TRUB1: variants seen among roughly 807,000 people sequenced by gnomAD.
TRUB1 encodes pseudouridylate synthase TRUB1.
A neutral mutation model predicts 33.9 loss-of-function variants in TRUB1; 23 were observed. The observed-to-expected ratio is 0.68, with a 90% CI of 0.49 to 0.96. TRUB1 has a LOEUF of 0.96. Among genes scored for constraint, TRUB1 ranks in the 40% least tolerant of loss-of-function variants. The pLI is 0.00. For missense variants in TRUB1, 378 were observed against 422.2 expected (o/e 0.90, Z 0.92); for synonymous variants, 163 against 165.4 (o/e 0.99, Z 0.11).
intron 5 of TRUB1, 132 bp from the exon 6 acceptor site, chr10:114,972,003 T>A: frequency 1.0e-6 from 1 of 1,000,908 alleles, no homozygotes; most frequent in South Asian, 1.5e-5. Context: ...TTAGAAGGAT[T>A]TTCATTGTGA....
chr10:114,972,736 C>G (rs1301416815), intron 6 of TRUB1, among the ~76,000 whole-genome samples: 1 of 152,168 alleles, frequency 6.6e-6, no homozygotes, highest in Non-Finnish European at 1.5e-5. Flanking sequence ...TCACTCCCTT[C>G]TTCACCACCT....
chr10:114,954,603 C>G (rs534904115), intron 3 of TRUB1, among the ~76,000 whole-genome samples: 19 of 152,106 alleles, frequency 1.2e-4, no homozygotes, highest in African/African-American at 4.3e-4. Flanking sequence ...CCTCTCCTGC[C>G]TTGGAGTGAG....
At chr10:114,942,482 CT>C (rs750400843) in intron 1 of TRUB1, among the ~76,000 whole-genome samples, 162 bp from the exon 2 acceptor site, 3 of 152,110 alleles carry the variant, frequency 2.0e-5, no homozygotes, top group Non-Finnish European at 2.9e-5. Context: ...ATTTTAAAAT[CT>C]TTTCTTTGCT....
At chr10:114,971,941 C>G (rs2084338364) in intron 5 of TRUB1, among the ~76,000 whole-genome samples, 194 bp from the exon 6 acceptor site, 1 of 152,178 alleles carries the variant, frequency 6.6e-6, no homozygotes, top group Admixed American at 6.5e-5. Flanking sequence ...TTTAGAAACT[C>G]TATCCATGAC....
chr10:114,960,571 C>T (rs2084280943), intron 4 of TRUB1, among the ~76,000 whole-genome samples: 1 of 151,928 alleles, frequency 6.6e-6, no homozygotes, highest in Non-Finnish European at 1.5e-5. Context: ...TGCATATTGC[C>T]CCAGTAGTGA....
chr10:114,943,549 A>C (rs2084198566), intron 2 of TRUB1, among the ~76,000 whole-genome samples: 3 of 151,978 alleles, frequency 2.0e-5, no homozygotes, highest in Admixed American at 6.6e-5. Flanking sequence ...AAACAAAACA[A>C]AACACAGCTT....
At chr10:114,944,103 A>G (rs559193985) in intron 2 of TRUB1, among the ~76,000 whole-genome samples, 3 of 143,858 alleles carry the variant, frequency 2.1e-5, no homozygotes, top group Non-Finnish European at 4.5e-5. Context: ...TTTACTCTGT[A>G]ACTGCATCCT....
chr10:114,952,990 T>G (rs537261668), intron 3 of TRUB1, among the ~76,000 whole-genome samples: 16 of 152,264 alleles, frequency 1.1e-4, no homozygotes, highest in Non-Finnish European at 1.8e-4. Flanking sequence ...AAAAGATATA[T>G]TTACGTTAAG....
In TRUB1 at chr10:114,971,421, T is replaced by G. The variant is rs528717855; in HGVS notation, c.597-714T>G. Among the ~76,000 whole-genome samples the G allele has an allele frequency of 2.6e-5, 4 of 152,288 alleles. No individual in the cohort carries two copies. In the East Asian group the frequency reaches 7.7e-4, roughly 29 times the overall value. On this transcript the variant is annotated intron_variant, in intron 5 of 7. Transcript: ENST00000298746. ...CTGACTTTTTTTTTAGAATTTAGTA[T>G]TTATTTTGTATTTAAAATCTTGAGT... is the stretch of plus-strand genomic sequence containing the variant.
chr10:114,973,133 G>C (rs1265287522), intron 6 of TRUB1, among the ~76,000 whole-genome samples: 1 of 151,716 alleles, frequency 6.6e-6, no homozygotes, highest in Non-Finnish European at 1.5e-5. Flanking sequence ...GCAGGATATG[G>C]TTTTGTACCA....
At chr10:114,951,174 T>G (rs2084233758) in intron 3 of TRUB1, 25 bp downstream of exon 3, 5 of 1,588,852 alleles carry the variant, frequency 3.1e-6, no homozygotes, top group Middle Eastern at 1.7e-4. Flanking sequence ...ATAGTTCTAT[T>G]TTTCTTTAAT....
At chr10:114,964,650 T>C (rs1327415640) in intron 4 of TRUB1, among the ~76,000 whole-genome samples, 3 of 152,198 alleles carry the variant, frequency 2.0e-5, no homozygotes, top group Non-Finnish European at 2.9e-5. Flanking sequence ...GAAGCTGTTA[T>C]TGCTTTGCCT....
At chr10:114,963,725 G>C (rs1229278806) in intron 4 of TRUB1, among the ~76,000 whole-genome samples, 1 of 152,112 alleles carries the variant, frequency 6.6e-6, no homozygotes, top group Non-Finnish European at 1.5e-5. Context: ...TAAACACTAT[G>C]TGTCCTTTGG....
rs1040431112 is a variant in TRUB1, at chr10:114,975,205, A to G, written c.876A>G (p.Glu292=). The G allele has an allele frequency of 1.2e-6, 2 of 1,613,614 alleles. No individual in the cohort carries two copies. Among genetic ancestry groups the G allele is most frequent in the East Asian group, 2.2e-5 (1 of 44,876 alleles). Residue 292 remains glutamate (E), a synonymous_variant, in exon 8 of 8, where the codon GAA becomes GAG. Coordinates refer to ENST00000298746, the MANE Select transcript of TRUB1 (RefSeq NM_139169.5). ...CGCTAGAAGAACATGCCCTTCCTGAAGACAAATGGACAATTGATGACATTG... is the reference window on the plus strand; with the variant it reads ...CGCTAGAAGAACATGCCCTTCCTGAGGACAAATGGACAATTGATGACATTG... ...PFTLEEHALP[E]DKWTIDDIAQ...
intron 3 of TRUB1, among the ~76,000 whole-genome samples, chr10:114,953,163 A>G (rs1195434227): frequency 2.6e-5 from 4 of 152,202 alleles, no homozygotes; most frequent in Admixed American, 2.0e-4. Context: ...ATGACTGAAA[A>G]TGTAAATACA....
Position 114,960,716 on chromosome 10 carries a change from CAG to C in TRUB1, c.523+911_523+912del, listed in dbSNP as rs371280722. On this transcript the variant is annotated intron_variant, in intron 4 of 7. Coordinates refer to ENST00000298746, the MANE Select transcript of TRUB1 (RefSeq NM_139169.5). Reference sequence around the variant, plus strand: ...GATTGATTTCAAGGCTTTTCAAAAACAGATGTTGAAATATTCTTGGAATTATT... The same window carrying C: ...GATTGATTTCAAGGCTTTTCAAAAACATGTTGAAATATTCTTGGAATTATT... Among the ~76,000 whole-genome samples, 1,015 of 152,004 alleles carry C rather than the reference CAG, an allele frequency of 6.7e-3. 3 individuals carry two copies. The highest frequency in any genetic ancestry group is 0.011 in the Non-Finnish European group (778 of 67,968).
chr10:114,940,341 G>C (rs550559725), intron 1 of TRUB1, among the ~76,000 whole-genome samples: 1 of 151,978 alleles, frequency 6.6e-6, no homozygotes, highest in Non-Finnish European at 1.5e-5. Context: ...GGCTGGGCTC[G>C]AACTCCCGAC....
At chr10:114,959,668 G>A (rs2084276791) in intron 3 of TRUB1, 58 bp from the exon 4 acceptor site, 1 of 1,069,680 alleles carries the variant, frequency 9.3e-7, no homozygotes, top group South Asian at 1.3e-5. Flanking sequence ...TTCAAGACAT[G>A]CATAACAGTT....
At chr10:114,950,011 G>T (rs113327740) in intron 2 of TRUB1, among the ~76,000 whole-genome samples, 3 of 147,984 alleles carry the variant, frequency 2.0e-5, no homozygotes, top group African/African-American at 7.5e-5. Flanking sequence ...CGATTCTCCT[G>T]CCTTAGCCTC....
Sources: gnomAD v4.1 joint callset for allele counts (sites outside exome capture counted in the v4.1 genomes callset) on GRCh38, gnomAD v4.1.1 for gene constraint, MANE v1.5 for transcripts, NCBI Gene and HGNC (gene_info 2026-07-23, HGNC 2026-07-21) for gene names.